The following SLC22A3 variants were observed in gnomAD, a reference collection of about 807,000 sequenced individuals.
SLC22A3 encodes the protein EMT organic cation transporter 3.
SLC22A3 carries 51 observed loss-of-function variants against 59.1 expected under a neutral mutation model. The ratio of observed to expected loss-of-function variants is 0.86; its 90% CI spans 0.69 to 1.09. The LOEUF (loss-of-function observed/expected upper bound fraction) is 1.09. Ranked by LOEUF, SLC22A3 falls within the 50% of genes least tolerant of loss-of-function variation. SLC22A3 has a pLI of 0.00. For synonymous variants in SLC22A3, 325 were observed against 292.0 expected (o/e 1.11, Z -1.15); for missense variants, 711 against 726.3 (o/e 0.98, Z 0.24).
At position 160,442,818 on chromosome 6, in the gene SLC22A3, C is replaced by T; in HGVS notation, c.1346C>T (p.Ala449Val). The T allele has an allele frequency of 6.2e-7, 1 of 1,613,994 alleles. No homozygotes were observed. Among genetic ancestry groups the T allele is most frequent in the South Asian group, 1.1e-5 (1 of 91,080 alleles). ...ATLGRLGITM[A>V]FEIVYLVNSE... is the part of the protein sequence containing the mutation. ...TTGGGAAGACTAGGGATAACCATGG[C>T]CTTTGAAATTGTTTATTTGGTAAAT... Residue 449 changes from alanine (A) to valine (V), a missense_variant, in exon 8 of 11, where the codon GCC becomes GTC. Physicochemically the swap from Ala to Val is moderately conservative, Grantham distance 64 (BLOSUM62 0). Coordinates refer to ENST00000275300, the MANE Select transcript of SLC22A3 (RefSeq NM_021977.4).
chr6:160,422,406 T>A (rs1287107019), intron 5 of SLC22A3, among the ~76,000 whole-genome samples: 3 of 152,180 alleles, frequency 2.0e-5, no homozygotes, highest in Admixed American at 6.5e-5. Context: ...TAGAAAGAAT[T>A]AAAATTAAGA....
intron 1 of SLC22A3, among the ~76,000 whole-genome samples, chr6:160,351,317 G>A (rs1327181116): frequency 6.6e-6 from 1 of 152,094 alleles, no homozygotes; most frequent in African/African-American, 2.4e-5. Context: ...GGGTTTCACT[G>A]TGTTAGCCAG....
chr6:160,425,126 A>G (rs538205347), intron 5 of SLC22A3, among the ~76,000 whole-genome samples: 14 of 152,274 alleles, frequency 9.2e-5, no homozygotes, highest in South Asian at 2.1e-4. Flanking sequence ...TCTTTCCACA[A>G]TTCTGTAAAC....
At chr6:160,427,266 G>A (rs1000624088) in intron 5 of SLC22A3, among the ~76,000 whole-genome samples, 2 of 152,224 alleles carry the variant, frequency 1.3e-5, no homozygotes, top group Admixed American at 6.5e-5. Flanking sequence ...GAAAAGGGAT[G>A]GAGGAACATA....
intron 10 of SLC22A3, among the ~76,000 whole-genome samples, chr6:160,450,383 A>G (rs1562507717): frequency 6.6e-6 from 1 of 152,204 alleles, no homozygotes; most frequent in Non-Finnish European, 1.5e-5. Context: ...CGATCCCACA[A>G]GCAGTCAGAC....
intron 5 of SLC22A3, among the ~76,000 whole-genome samples, chr6:160,420,695 A>G (rs1787693441): frequency 1.3e-5 from 2 of 152,146 alleles, no homozygotes; most frequent in Admixed American, 1.3e-4. Context: ...TCTCAGGCAA[A>G]CTGGGTAGAG....
intron 9 of SLC22A3, among the ~76,000 whole-genome samples, chr6:160,444,424 T>C (rs1362554302): frequency 6.6e-6 from 1 of 152,198 alleles, no homozygotes; most frequent in East Asian, 1.9e-4. Context: ...GTTCTCTCTC[T>C]ATGGATATCA....
At chr6:160,370,138 G>T (rs1230855322) in intron 1 of SLC22A3, among the ~76,000 whole-genome samples, 4 of 152,234 alleles carry the variant, frequency 2.6e-5, no homozygotes, top group African/African-American at 9.6e-5. Flanking sequence ...GGCAGAAGCT[G>T]CATTGCCTTT....
At chr6:160,349,977 T>C (rs1784606814) in intron 1 of SLC22A3, among the ~76,000 whole-genome samples, 1 of 152,164 alleles carries the variant, frequency 6.6e-6, no homozygotes. Context: ...CTGTTGCTGT[T>C]GGTCTGGTGA....
At chr6:160,381,197 A>G (rs1047379589) in intron 1 of SLC22A3, among the ~76,000 whole-genome samples, 18 of 152,206 alleles carry the variant, frequency 1.2e-4, no homozygotes, top group Non-Finnish European at 2.1e-4. Flanking sequence ...TACCACATGT[A>G]GGAGCTGTTC....
At chr6:160,417,807 C>T (rs1562492949) in intron 5 of SLC22A3, among the ~76,000 whole-genome samples, 1 of 152,132 alleles carries the variant, frequency 6.6e-6, no homozygotes, top group Admixed American at 6.5e-5. Flanking sequence ...TATCTCTGCA[C>T]CTCAGCCATC....
intron 1 of SLC22A3, among the ~76,000 whole-genome samples, chr6:160,363,365 G>A (rs1481767993): frequency 6.6e-6 from 1 of 152,216 alleles, no homozygotes; most frequent in Admixed American, 6.5e-5. Context: ...GCACGCCTGT[G>A]AGGCAGGAAG....
chr6:160,424,452 C>T (rs1787875434), intron 5 of SLC22A3, among the ~76,000 whole-genome samples: 2 of 152,308 alleles, frequency 1.3e-5, no homozygotes, highest in African/African-American at 2.4e-5. Flanking sequence ...CAGACATCCT[C>T]ATACTCAAAA....
At chr6:160,386,886 C>T (rs1182157551) in intron 1 of SLC22A3, among the ~76,000 whole-genome samples, 1 of 152,204 alleles carries the variant, frequency 6.6e-6, no homozygotes, top group Non-Finnish European at 1.5e-5. Context: ...CTTCCTATTT[C>T]TCATCTTGAT....
intron 1 of SLC22A3, among the ~76,000 whole-genome samples, chr6:160,395,029 C>T (rs16891558): frequency 0.02 from 2,989 of 152,316 alleles, 89 homozygotes; most frequent in Middle Eastern, 0.11. Context: ...GAAATGTAGT[C>T]CCCTGAGGTA....
chr6:160,405,169 T>A (rs909687583), intron 2 of SLC22A3, among the ~76,000 whole-genome samples: 6 of 152,082 alleles, frequency 3.9e-5, no homozygotes, highest in Admixed American at 3.9e-4. Flanking sequence ...GATAAAGAAC[T>A]GTTATCCAAA....
intron 1 of SLC22A3, among the ~76,000 whole-genome samples, chr6:160,367,043 G>A (rs1785229245): frequency 6.6e-6 from 1 of 152,080 alleles, no homozygotes; most frequent in Non-Finnish European, 1.5e-5. Context: ...TATCCTTGTA[G>A]CAGCACCCCA....
chr6:160,404,397 A>T (rs1033766902), intron 2 of SLC22A3, among the ~76,000 whole-genome samples: 3 of 152,096 alleles, frequency 2.0e-5, no homozygotes, highest in African/African-American at 7.2e-5. Context: ...TATGTACAAG[A>T]TTTATGTGAG....
chr6:160,389,404 T>C (rs1786155200), intron 1 of SLC22A3, among the ~76,000 whole-genome samples: 1 of 152,126 alleles, frequency 6.6e-6, no homozygotes, highest in African/African-American at 2.4e-5. Context: ...CGTGGCCATG[T>C]GGGAGGCCAC....
Sources: allele counts gnomAD v4.1 joint callset (sites outside exome capture counted in the v4.1 genomes callset), GRCh38; gene constraint gnomAD v4.1.1; transcripts MANE v1.5; gene names NCBI Gene and HGNC (gene_info 2026-07-23, HGNC 2026-07-21).